Variants in NUP155 observed in about 807,000 individuals in gnomAD.
NUP155 encodes the protein nuclear pore complex protein Nup155.
In NUP155, 71 loss-of-function variants were observed where a neutral mutation model predicts 180.4. That is an observed-to-expected ratio of 0.39 (90% CI 0.33 to 0.48). The LOEUF (loss-of-function observed/expected upper bound fraction) is 0.48, where lower values mean the gene tolerates loss of function less well. Among genes scored for constraint, NUP155 ranks in the 20% least tolerant of loss-of-function variants. The pLI, the probability that NUP155 is intolerant of heterozygous loss-of-function variation, is 0.91. For missense variants in NUP155, 1,553 were observed against 1,648.9 expected (o/e 0.94, Z 1.01); for synonymous variants, 582 against 559.5 (o/e 1.04, Z -0.57).
At chr5:37,295,089 T>G (rs548267314) in intron 32 of NUP155, among the ~76,000 whole-genome samples, 1 of 152,274 alleles carries the variant, frequency 6.6e-6, no homozygotes, top group East Asian at 1.9e-4. Flanking sequence ...AAGGTCTCCC[T>G]CTGATGCCGA....
At chr5:37,342,423 CA>C in intron 10 of NUP155, 125 bp downstream of exon 10, 1 of 641,222 alleles carries the variant, frequency 1.6e-6, no homozygotes, top group South Asian at 1.9e-5. Context: ...CTTTATTTTA[CA>C]AACTATTTAT....
chr5:37,339,929 T>G (rs903235350), intron 11 of NUP155, among the ~76,000 whole-genome samples: 4 of 152,056 alleles, frequency 2.6e-5, no homozygotes, highest in African/African-American at 7.2e-5. Context: ...ACCCGGCTAA[T>G]TTTTGTATTT....
At chr5:37,332,829 C>T (rs1042718200) in intron 13 of NUP155, among the ~76,000 whole-genome samples, 63 of 152,134 alleles carry the variant, frequency 4.1e-4, no homozygotes, top group Admixed American at 3.4e-3. Context: ...TGGTGGCAAA[C>T]GCCTGTATTC....
Position 37,324,188 on chromosome 5 carries a change from T to C in NUP155, c.2092-81A>G. 3.6e-6 allele frequency: 3 copies of C among 825,812 alleles called. No homozygotes were observed. In the Admixed American group the frequency reaches 5.9e-5, roughly 16 times the overall value. The allele number at this position is 825,812 out of a possible 1,614,324, so 51.2% of individuals were successfully genotyped here. A position where few individuals can be genotyped will look rare whatever the true frequency, so the allele number is the denominator to read the frequency against. On this transcript the variant is annotated intron_variant, in intron 19 of 34. Coordinates refer to ENST00000231498, the MANE Select transcript of NUP155 (RefSeq NM_153485.3). ...AATATAAACAATTTTAATTTTGAAA[T>C]GAGTATCTCTATAGTTATTTCTTGT...
At chr5:37,302,600 T>A (rs1462478128) in intron 29 of NUP155, among the ~76,000 whole-genome samples, 179 bp downstream of exon 29, 1 of 152,198 alleles carries the variant, frequency 6.6e-6, no homozygotes, top group Non-Finnish European at 1.5e-5. Flanking sequence ...ATGACCCAAG[T>A]GCATCCTTAA....
chr5:37,337,319 C>G (rs1340175877), intron 12 of NUP155, among the ~76,000 whole-genome samples: 1 of 151,686 alleles, frequency 6.6e-6, no homozygotes, highest in Non-Finnish European at 1.5e-5. Flanking sequence ...GTTGGCAACT[C>G]AATTCTCTTA....
In NUP155 at chr5:37,369,769, T is replaced by C. The variant is rs564039421; in HGVS notation, c.157+1052A>G. 7.2e-5 allele frequency among the ~76,000 whole-genome samples: 11 copies of C among 152,340 alleles called. No homozygotes were observed. In the South Asian group the frequency reaches 2.3e-3, roughly 32 times the overall value. On this transcript the variant is annotated intron_variant, in intron 1 of 34. Transcript: ENST00000231498. ...GTTTACACTGCACAAATTATCCTATTTAGATTACTTTGGTTCTTGCTCACC... is the reference window on the plus strand; with the variant it reads ...GTTTACACTGCACAAATTATCCTATCTAGATTACTTTGGTTCTTGCTCACC...
intron 10 of NUP155, among the ~76,000 whole-genome samples, chr5:37,341,478 T>C (rs1581185510): frequency 1.3e-5 from 2 of 152,036 alleles, no homozygotes; most frequent in East Asian, 3.9e-4. Flanking sequence ...TCTCCTGCCT[T>C]AGCCTCCCAG....
At chr5:37,370,294 C>T (rs983145036) in intron 1 of NUP155, among the ~76,000 whole-genome samples, 4 of 152,202 alleles carry the variant, frequency 2.6e-5, no homozygotes, top group Non-Finnish European at 5.9e-5. Flanking sequence ...ATCGCTTGAA[C>T]CCAGGAGGCG....
chr5:37,360,432 C>T (rs1288677842), intron 3 of NUP155, among the ~76,000 whole-genome samples: 2 of 151,206 alleles, frequency 1.3e-5, no homozygotes, highest in Admixed American at 1.3e-4. Context: ...TTGCAGTCAG[C>T]CAAGATCTTG....
At chr5:37,357,341 G>T (rs1746892352) in intron 4 of NUP155, among the ~76,000 whole-genome samples, 1 of 130,214 alleles carries the variant, frequency 7.7e-6, no homozygotes, top group South Asian at 2.5e-4. Context: ...AGGCTGTAGT[G>T]AGCCATGATC....
At chr5:37,304,587 AG>A (rs1302942913) in intron 27 of NUP155, 151 bp downstream of exon 27, 4 of 650,506 alleles carry the variant, frequency 6.1e-6, no homozygotes, top group Non-Finnish European at 1.1e-5. Flanking sequence ...TTTGCCCCTT[AG>A]GAAAAGATAC....
chr5:37,303,673 T>C (rs1026115896), intron 27 of NUP155, among the ~76,000 whole-genome samples: 6 of 152,192 alleles, frequency 3.9e-5, no homozygotes, highest in African/African-American at 1.4e-4. Flanking sequence ...AGGCTGGGCA[T>C]GGCGACTCAT....
At chr5:37,333,373 T>G (rs894789932) in intron 13 of NUP155, 90 bp downstream of exon 13, 4 of 1,142,976 alleles carry the variant, frequency 3.5e-6, no homozygotes, top group South Asian at 1.2e-5. Context: ...AGAAAGAAAA[T>G]TATTCAATTA....
At chr5:37,292,669 C>T (rs922016026) in intron 34 of NUP155, among the ~76,000 whole-genome samples, 7 of 152,024 alleles carry the variant, frequency 4.6e-5, no homozygotes. Flanking sequence ...GAAATGAATA[C>T]ATTATGTATG....
chr5:37,300,182 G>T (rs572061269), intron 30 of NUP155, among the ~76,000 whole-genome samples: 76 of 152,216 alleles, frequency 5.0e-4, no homozygotes, highest in Non-Finnish European at 9.1e-4. Flanking sequence ...CACAGTAGGT[G>T]TATGTATTTA....
intron 27 of NUP155, 120 bp from the exon 28 acceptor site, chr5:37,303,534 A>G (rs1742978406): frequency 1.2e-6 from 1 of 817,626 alleles, no homozygotes; most frequent in African/African-American, 1.7e-5. Context: ...GAAAACAAGC[A>G]AAATTATAAT....
At position 37,342,619 on chromosome 5, in the gene NUP155, T is replaced by C. The variant is rs779323818; in HGVS notation, c.1023A>G (p.Pro341=). ...ARTIDRSVFK[P]IVQIAVIENS... is the part of the protein sequence containing the mutation. ...TTTCAATCACTGCTATTTGGACAAT[T>C]GGTTTAAAAACAGAACGATCGATGG... Residue 341 remains proline (P), a synonymous_variant, in exon 10 of 35, where the codon CCA becomes CCG. Transcript: ENST00000231498. The C allele has an allele frequency of 1.9e-6, 3 of 1,612,738 alleles. No homozygotes were observed. Among genetic ancestry groups the C allele is most frequent in the South Asian group, 1.1e-5 (1 of 91,042 alleles).
chr5:37,307,206 A>AG, intron 25 of NUP155, 91 bp downstream of exon 25: 1 of 1,384,182 alleles, frequency 7.2e-7, no homozygotes. Flanking sequence ...TCAAAAAAAA[A>AG]AAAAAAACAT....
Sources: allele counts gnomAD v4.1 joint callset (sites outside exome capture counted in the v4.1 genomes callset), GRCh38; gene constraint gnomAD v4.1.1; transcripts MANE v1.5; gene names NCBI Gene and HGNC (gene_info 2026-07-23, HGNC 2026-07-21).